TSPAN5: variants seen among roughly 807,000 people sequenced by gnomAD.
TSPAN5 encodes the protein tetraspanin 5, also known as tetraspanin-5.
A neutral mutation model predicts 37.1 loss-of-function variants in TSPAN5; 10 were observed. The observed-to-expected ratio is 0.27, with a 90% CI of 0.17 to 0.46. The LOEUF is 0.46. Among genes scored for constraint, TSPAN5 ranks in the 20% least tolerant of loss-of-function variants. The pLI is 1.00. For missense variants in TSPAN5, 195 were observed against 326.6 expected, an observed-to-expected ratio of 0.60 and a Z score of 3.11; for synonymous variants, 110 against 118.9, an observed-to-expected ratio of 0.93 and a Z score of 0.48.
intron 1 of TSPAN5, among the ~76,000 whole-genome samples, chr4:98,560,497 T>C (rs1208941240): frequency 3.3e-5 from 5 of 152,226 alleles, no homozygotes; most frequent in African/African-American, 9.6e-5. Flanking sequence ...ATATCTTCAA[T>C]TGAGGGAGGC....
chr4:98,543,706 C>T (rs1445271160), intron 1 of TSPAN5, among the ~76,000 whole-genome samples: 2 of 151,990 alleles, frequency 1.3e-5, no homozygotes, highest in Non-Finnish European at 2.9e-5. Flanking sequence ...AGGTGTGAGC[C>T]ACTGCACCCA....
At chr4:98,533,909 T>G (rs1754164343) in intron 1 of TSPAN5, among the ~76,000 whole-genome samples, 2 of 131,756 alleles carry the variant, frequency 1.5e-5, no homozygotes, top group South Asian at 5.3e-4. Flanking sequence ...TTTATTAGTC[T>G]GGCTAGTGGT....
chr4:98,514,899 A>G (rs768275562), intron 1 of TSPAN5, among the ~76,000 whole-genome samples: 1 of 152,306 alleles, frequency 6.6e-6, no homozygotes, highest in Non-Finnish European at 1.5e-5. Context: ...ATAAGTGAGT[A>G]GATGCAGGGA....
At chr4:98,629,193 T>C (rs1756686505) in intron 1 of TSPAN5, among the ~76,000 whole-genome samples, 1 of 152,250 alleles carries the variant, frequency 6.6e-6, no homozygotes, top group Non-Finnish European at 1.5e-5. Context: ...GTCTATGAAC[T>C]ATTTCACAGT....
chr4:98,515,826 T>C (rs552647464), intron 1 of TSPAN5, among the ~76,000 whole-genome samples: 2 of 152,196 alleles, frequency 1.3e-5, no homozygotes, highest in South Asian at 4.1e-4. Flanking sequence ...CAGATACTCA[T>C]ATGGTACTTA....
At chr4:98,575,651 A>G (rs1010667164) in intron 1 of TSPAN5, among the ~76,000 whole-genome samples, 3 of 152,040 alleles carry the variant, frequency 2.0e-5, no homozygotes, top group Non-Finnish European at 4.4e-5. Flanking sequence ...CTCCTTATTT[A>G]TAATATTCAA....
intron 1 of TSPAN5, among the ~76,000 whole-genome samples, chr4:98,573,482 C>T (rs778741612): frequency 1.3e-5 from 2 of 152,208 alleles, no homozygotes; most frequent in South Asian, 2.1e-4. Flanking sequence ...GTGATCCTCC[C>T]ATCTTGGCCT....
chr4:98,644,022 G>A (rs1422621920), intron 1 of TSPAN5, among the ~76,000 whole-genome samples: 1 of 152,014 alleles, frequency 6.6e-6, no homozygotes, highest in Non-Finnish European at 1.5e-5. Flanking sequence ...CTAACAGCCT[G>A]GTTTCTTGGG....
rs192385496 is a variant in TSPAN5 at position 98,503,053 on chromosome 4, G to A, written c.132+4625C>T. ...TAGCTGAAATCAAGCTGGGCGGAAT[G>A]GGGAAGATGCTAGATAGAGGCTCTG... On this transcript the variant is annotated intron_variant, in intron 2 of 7. Coordinates refer to ENST00000305798, the MANE Select transcript of TSPAN5 (RefSeq NM_005723.4). Among the ~76,000 whole-genome samples the A allele has an allele frequency of 6.6e-5, 10 of 152,104 alleles. No individual in the cohort carries two copies. The East Asian group carries it at 1.9e-3, about 29-fold the overall frequency.
In TSPAN5 at chr4:98,528,414, ATTTT is replaced by A. The variant is rs10680446; in HGVS notation, c.82-20690_82-20687del. Among the ~76,000 whole-genome samples, 12 of 143,778 alleles carry A rather than the reference ATTTT, an allele frequency of 8.3e-5. No homozygotes were observed. The South Asian group carries it at 8.9e-4, about 11-fold the overall frequency. 94.3% of individuals were successfully genotyped at this position (143,778 alleles called of 152,430 possible). A position where few individuals can be genotyped will look rare whatever the true frequency, so the allele number is the denominator to read the frequency against. On this transcript the variant is annotated intron_variant, in intron 1 of 7. Transcript: ENST00000305798. Reference sequence around the variant, plus strand: ...CCAAAATAATTAAATGTAACAGATGATTTTTTTTTTTTTTTTTGCTGTCACTAAA... The same window carrying A: ...CCAAAATAATTAAATGTAACAGATGATTTTTTTTTTTTTGCTGTCACTAAA...
At chr4:98,487,946 A>G (rs1753009455) in intron 2 of TSPAN5, among the ~76,000 whole-genome samples, 1 of 152,196 alleles carries the variant, frequency 6.6e-6, no homozygotes, top group Non-Finnish European at 1.5e-5. Flanking sequence ...TAAACAGCCA[A>G]TATCACCAAT....
chr4:98,576,181 A>G (rs1755232499), intron 1 of TSPAN5, among the ~76,000 whole-genome samples: 1 of 152,138 alleles, frequency 6.6e-6, no homozygotes, highest in Admixed American at 6.6e-5. Flanking sequence ...AATTAAAAAA[A>G]AAATCAAACA....
chr4:98,507,929 C>T (rs942050948), intron 1 of TSPAN5, among the ~76,000 whole-genome samples: 1 of 152,144 alleles, frequency 6.6e-6, no homozygotes. Context: ...GCTGGAGACA[C>T]ACAGTTGGTT....
intron 2 of TSPAN5, among the ~76,000 whole-genome samples, chr4:98,503,962 A>G (rs779646458): frequency 1.3e-5 from 2 of 152,196 alleles, no homozygotes; most frequent in Non-Finnish European, 2.9e-5. Context: ...CCTTGGAGAC[A>G]CTCATCCTTT....
At chr4:98,644,009 AAACT>A (rs909612535) in intron 1 of TSPAN5, among the ~76,000 whole-genome samples, 7 of 152,136 alleles carry the variant, frequency 4.6e-5, no homozygotes, top group Non-Finnish European at 1.0e-4. Context: ...AAAACATCTA[AAACT>A]AACAGCCTGG....
intron 1 of TSPAN5, among the ~76,000 whole-genome samples, chr4:98,609,364 G>T (rs1756125935): frequency 6.6e-6 from 1 of 152,186 alleles, no homozygotes; most frequent in South Asian, 2.1e-4. Flanking sequence ...ACCACTGGCT[G>T]GGGGAGAGGG....
chr4:98,561,209 A>G (rs1189494901), intron 1 of TSPAN5, among the ~76,000 whole-genome samples: 1 of 152,266 alleles, frequency 6.6e-6, no homozygotes, highest in Non-Finnish European at 1.5e-5. Context: ...AACGGAACAC[A>G]ATGGGGCTAG....
intron 1 of TSPAN5, among the ~76,000 whole-genome samples, chr4:98,636,816 A>C (rs1161783722): frequency 1.3e-5 from 2 of 152,214 alleles, no homozygotes; most frequent in Non-Finnish European, 2.9e-5. Flanking sequence ...TGAATGATCA[A>C]GCTTATTCTT....
At chr4:98,502,609 G>A (rs937986270) in intron 2 of TSPAN5, among the ~76,000 whole-genome samples, 4 of 152,196 alleles carry the variant, frequency 2.6e-5, no homozygotes, top group African/African-American at 9.7e-5. Flanking sequence ...ATAAGAAAGT[G>A]CTAGGTTCAG....
Sources: gnomAD v4.1 joint callset for allele counts (sites outside exome capture counted in the v4.1 genomes callset) on GRCh38, gnomAD v4.1.1 for gene constraint, MANE v1.5 for transcripts, NCBI Gene and HGNC (gene_info 2026-07-23, HGNC 2026-07-21) for gene names.